The following MCPH1 variants were observed in gnomAD, a reference collection of about 807,000 sequenced individuals.
MCPH1 encodes the protein microcephalin 1.
In MCPH1, 104 loss-of-function variants were observed where a neutral mutation model predicts 84.5. The ratio of observed to expected loss-of-function variants is 1.23; its 90% confidence interval spans 1.05 to 1.45. The LOEUF (loss-of-function observed/expected upper bound fraction) is 1.45. MCPH1 is among the 40% of genes most tolerant of loss of function. MCPH1 has a pLI of 0.00. For missense variants in MCPH1, 1,498 were observed against 1,005.7 expected (o/e 1.49, Z -6.62); for synonymous variants, 514 against 366.8 (o/e 1.40, Z -4.58).
At chr8:6,594,056 T>C (rs1407897422) in intron 12 of MCPH1, among the ~76,000 whole-genome samples, 1 of 152,214 alleles carries the variant, frequency 6.6e-6, no homozygotes, top group African/African-American at 2.4e-5. Context: ...GCATGTTTTT[T>C]TGTTGTCATT....
intron 12 of MCPH1, among the ~76,000 whole-genome samples, chr8:6,551,942 G>T (rs192998025): frequency 6.6e-6 from 1 of 152,048 alleles, no homozygotes; most frequent in African/African-American, 2.4e-5. Flanking sequence ...CAAAGACTAC[G>T]CAGTCTAATA....
chr8:6,641,816 A>G (rs2515567), intron 13 of MCPH1, among the ~76,000 whole-genome samples: 4,893 of 152,328 alleles, frequency 0.032, 270 homozygotes, highest in African/African-American at 0.11. Flanking sequence ...TAGTATGCCT[A>G]GTACTAATAA....
intron 8 of MCPH1, chr8:6,447,208 CA>C (rs1804529293): frequency 3.0e-6 from 3 of 985,142 alleles, no homozygotes; most frequent in Non-Finnish European, 3.6e-6. Context: ...TTAAACTGTC[CA>C]CTGTCAGCCC....
rs77680785 is a variant in MCPH1 at position 6,567,432 on chromosome 8, C to T, written c.2215-54022C>T. 2.9e-3 allele frequency among the ~76,000 whole-genome samples: 441 copies of T among 152,296 alleles called. 7 individuals are homozygous for T. The East Asian group carries it at 0.042, about 14-fold the overall frequency. Reference sequence around the variant, plus strand: ...TGTGAACAGGGGAGGACTGGTGCCTCGGCTCAGCCTTCTGTGTGGCTGCTT... The same window carrying T: ...TGTGAACAGGGGAGGACTGGTGCCTTGGCTCAGCCTTCTGTGTGGCTGCTT... On this transcript the variant is annotated intron_variant, in intron 12 of 13. Transcript: ENST00000344683.
chr8:6,587,165 G>A (rs1211858558), intron 12 of MCPH1, among the ~76,000 whole-genome samples: 1 of 152,040 alleles, frequency 6.6e-6, no homozygotes, highest in Non-Finnish European at 1.5e-5. Flanking sequence ...AGACCAGAAG[G>A]GTGTCTGATG....
At chr8:6,630,900 A>G (rs1441449659) in intron 13 of MCPH1, among the ~76,000 whole-genome samples, 1 of 152,226 alleles carries the variant, frequency 6.6e-6, no homozygotes, top group Non-Finnish European at 1.5e-5. Flanking sequence ...ACCAGCCACT[A>G]AAAAGGCACC....
chr8:6,641,907 C>G (rs889394435), intron 13 of MCPH1, among the ~76,000 whole-genome samples: 7 of 151,990 alleles, frequency 4.6e-5, no homozygotes, highest in Non-Finnish European at 1.0e-4. Flanking sequence ...GTGTTCCTCC[C>G]TTCTGAAATT....
chr8:6,474,237 G>A (rs2979656), intron 9 of MCPH1: 395,849 of 603,626 alleles, frequency 0.66, 135,573 homozygotes, highest in Non-Finnish European at 0.72. Context: ...TCATACAATT[G>A]CTTTTCTCAA....
intron 13 of MCPH1, among the ~76,000 whole-genome samples, chr8:6,629,981 T>C (rs1454769271): frequency 1.3e-5 from 2 of 152,376 alleles, no homozygotes; most frequent in East Asian, 3.9e-4. Context: ...GAACCTGGTG[T>C]TCCACAAACT....
At chr8:6,531,504 C>T (rs796439124) in intron 12 of MCPH1, among the ~76,000 whole-genome samples, 10 of 152,174 alleles carry the variant, frequency 6.6e-5, no homozygotes, top group African/African-American at 2.2e-4. Context: ...GTTGGCCAGG[C>T]TGGTCTCGAA....
chr8:6,456,824 G>T (rs981046095), intron 9 of MCPH1, among the ~76,000 whole-genome samples: 1 of 152,142 alleles, frequency 6.6e-6, no homozygotes, highest in Non-Finnish European at 1.5e-5. Flanking sequence ...CTGTGCCTGG[G>T]ATAGCCCTGA....
chr8:6,646,630 G>C lies in MCPH1; in HGVS notation c.*3581G>C, dbSNP rs1798229129. The C allele has an allele frequency of 6.6e-6, 1 of 152,232 alleles. No individual in the cohort carries two copies. The highest frequency in any genetic ancestry group is 1.9e-4 in the East Asian group (1 of 5,196). 9.4% of individuals were successfully genotyped at this position (152,232 alleles called of 1,614,324 possible). ...ATCAGGGTTTCTCAACATCAGCAGTGTTGGCGTTTGCTGGGGTGGATAATT... is the reference window on the plus strand; with the variant it reads ...ATCAGGGTTTCTCAACATCAGCAGTCTTGGCGTTTGCTGGGGTGGATAATT... On this transcript the variant is annotated 3_prime_UTR_variant, in exon 14 of 14. Coordinates refer to ENST00000344683, the MANE Select transcript of MCPH1 (RefSeq NM_024596.5).
chr8:6,563,225 C>T (rs1189355467), intron 12 of MCPH1: 1 of 256,986 alleles, frequency 3.9e-6, no homozygotes, highest in East Asian at 7.0e-5. Flanking sequence ...TTCCTCTCTC[C>T]CCAGATCCTA....
At chr8:6,606,707 ATG>A (rs1212170477) in intron 12 of MCPH1, among the ~76,000 whole-genome samples, 211 of 152,340 alleles carry the variant, frequency 1.4e-3, no homozygotes, top group African/African-American at 4.8e-3. Flanking sequence ...ACCTTAGGTG[ATG>A]CGGTTTGGCT....
intron 2 of MCPH1, among the ~76,000 whole-genome samples, chr8:6,413,910 A>G (rs997693021): frequency 6.6e-6 from 1 of 151,996 alleles, no homozygotes; most frequent in African/African-American, 2.4e-5. Flanking sequence ...ACGAACCTCC[A>G]CGCTTGGCTA....
chr8:6,492,421 G>C (rs1397195457), intron 11 of MCPH1, among the ~76,000 whole-genome samples: 2 of 151,528 alleles, frequency 1.3e-5, no homozygotes, highest in Admixed American at 1.3e-4. Flanking sequence ...CATTCTGTAG[G>C]TTGCCTGTTC....
intron 13 of MCPH1, among the ~76,000 whole-genome samples, chr8:6,640,602 G>C (rs1049854552): frequency 1.3e-5 from 2 of 152,018 alleles, no homozygotes; most frequent in Non-Finnish European, 1.5e-5. Context: ...TTAAACTTTT[G>C]TTGTGTTATA....
At chr8:6,478,613 T>G (rs1808782959) in intron 10 of MCPH1, among the ~76,000 whole-genome samples, 1 of 152,304 alleles carries the variant, frequency 6.6e-6, no homozygotes, top group East Asian at 1.9e-4. Flanking sequence ...CATTCTGATT[T>G]TATGTGGATT....
Position 6,623,715 on chromosome 8 carries a change from AAAAC to A in MCPH1, c.2452+2025_2452+2028del. ...AAAAAAAAAAAAAAAAAAAAAAAAA[AAAAC>A]TATTGATTTTAGTCACAGTCCAAAA... On this transcript the variant is annotated intron_variant, in intron 13 of 13. Coordinates refer to ENST00000344683, the MANE Select transcript of MCPH1 (RefSeq NM_024596.5). Among the ~76,000 whole-genome samples, 12 of 2,998 alleles carry A rather than the reference AAAAC, an allele frequency of 4.0e-3. 1 individual carries two copies. The highest frequency in any genetic ancestry group is 8.4e-3 in the African/African-American group (9 of 1,070). The allele number at this position is 2,998 out of a possible 152,430, so 2.0% of individuals were successfully genotyped here.
Sources: gnomAD v4.1 joint callset for allele counts (sites outside exome capture counted in the v4.1 genomes callset) on GRCh38, gnomAD v4.1.1 for gene constraint, MANE v1.5 for transcripts, NCBI Gene and HGNC (gene_info 2026-07-23, HGNC 2026-07-21) for gene names.